The following NBAS variants were observed in gnomAD, a reference collection of about 807,000 sequenced individuals.
The protein encoded by NBAS is NAG/BC035112 fusion.
In NBAS, 219 loss-of-function variants were observed where a neutral mutation model predicts 302.5. That is an observed-to-expected ratio of 0.72 (90% CI 0.65 to 0.81). The LOEUF is 0.81. Ranked by LOEUF, NBAS falls within the 30% of genes least tolerant of loss-of-function variation. The pLI is 0.00. For synonymous variants in NBAS, 1,118 were observed against 1,021.6 expected, an observed-to-expected ratio of 1.09 and a Z score of -1.80; for missense variants, 2,932 against 2,841.6, an observed-to-expected ratio of 1.03 and a Z score of -0.72.
chr2:15,287,049 C>T lies in NBAS; in HGVS notation c.5138+24G>A, dbSNP rs4668892. 0.46 allele frequency: 698,879 copies of T among 1,517,234 alleles called. 170,016 individuals carry two copies. Among genetic ancestry groups the T allele is most frequent in the East Asian group, 0.79 (35,079 of 44,382 alleles). 94.0% of individuals were successfully genotyped at this position (1,517,234 alleles called of 1,614,324 possible). ...CTCTAAAGAAAGACATGGAAACAAACGTACATATGAACTGTGTGCTTACCC... is the reference window on the plus strand; with the variant it reads ...CTCTAAAGAAAGACATGGAAACAAATGTACATATGAACTGTGTGCTTACCC... On this transcript the variant is annotated intron_variant, in intron 42 of 51. Coordinates refer to ENST00000281513, the MANE Select transcript of NBAS (RefSeq NM_015909.4).
the NBAS span, among the ~76,000 whole-genome samples, chr2:14,837,570 T>G: frequency 6.6e-6 from 1 of 151,806 alleles, no homozygotes; most frequent in Admixed American, 6.6e-5. Context: ...GGAAAGCTTT[T>G]ATTTATGAAT....
chr2:15,269,840 T>G (rs2148038466), intron 44 of NBAS, among the ~76,000 whole-genome samples: 1 of 152,356 alleles, frequency 6.6e-6, no homozygotes, highest in South Asian at 2.1e-4. Context: ...CTGCAACTAG[T>G]CTTTAAGACT....
At chr2:14,932,592 C>G in the NBAS span, among the ~76,000 whole-genome samples, 37 of 152,268 alleles carry the variant, frequency 2.4e-4, no homozygotes, top group Middle Eastern at 3.4e-3. Context: ...ATGACTTGCC[C>G]AGGTTTGCTT....
the NBAS span, among the ~76,000 whole-genome samples, chr2:14,912,763 A>G: frequency 6.0e-5 from 9 of 151,208 alleles, no homozygotes; most frequent in African/African-American, 2.2e-4. Flanking sequence ...TAGAGGCCCT[A>G]CAGTTTTCAT....
In NBAS at chr2:15,498,754, T is replaced by G. The variant is rs575147136; in HGVS notation, c.954+5391A>C. 7.2e-4 allele frequency among the ~76,000 whole-genome samples: 109 copies of G among 151,940 alleles called. 3 individuals carry two copies. Among genetic ancestry groups the G allele is most frequent in the African/African-American group, 2.4e-3 (98 of 41,484 alleles). ...GGCACTTCCCCATTCGTGCTCGCTC[T>G]CTCTCTCTCTCTCTCTCCTGCTCCA... On this transcript the variant is annotated intron_variant, in intron 11 of 51. Coordinates refer to ENST00000281513, the MANE Select transcript of NBAS (RefSeq NM_015909.4).
the NBAS span, among the ~76,000 whole-genome samples, chr2:15,144,048 A>ATATATATATATATAT: frequency 1.2e-3 from 142 of 113,782 alleles, 6 homozygotes; most frequent in East Asian, 8.2e-3. Context: ...TATATATAAA[A>ATATATATATATATAT]ATATATATAT....
chr2:15,245,024 C>G (rs1284715031), intron 44 of NBAS, among the ~76,000 whole-genome samples: 2 of 152,062 alleles, frequency 1.3e-5, no homozygotes, highest in African/African-American at 4.8e-5. Flanking sequence ...GGGTACGGGC[C>G]CTGAGGGAGG....
chr2:14,865,809 GTTA>G, the NBAS span, among the ~76,000 whole-genome samples: 48 of 130,576 alleles, frequency 3.7e-4, no homozygotes, highest in South Asian at 6.7e-4. Flanking sequence ...ATCTGTTATT[GTTA>G]TTATTATTAT....
chr2:15,073,678 A>G, the NBAS span, among the ~76,000 whole-genome samples: 1 of 152,160 alleles, frequency 6.6e-6, no homozygotes, highest in African/African-American at 2.4e-5. Flanking sequence ...ATACACAGAA[A>G]TATACATACA....
the NBAS span, among the ~76,000 whole-genome samples, chr2:15,121,054 A>G: frequency 3.3e-4 from 51 of 152,264 alleles, no homozygotes; most frequent in African/African-American, 1.1e-3. Context: ...CTCAATATCG[A>G]ATTCATCTCC....
At chr2:15,288,211 G>T (rs756345174) in intron 41 of NBAS, among the ~76,000 whole-genome samples, 3 of 152,248 alleles carry the variant, frequency 2.0e-5, no homozygotes, top group Non-Finnish European at 4.4e-5. Flanking sequence ...CCTGTGCCAG[G>T]TATTGTGCTA....
rs267598927 is a variant in NBAS, at chr2:15,356,351, G to A, written c.3883C>T (p.His1295Tyr). 4 of 1,613,866 alleles carry A rather than the reference G, an allele frequency of 2.5e-6. No individual in the cohort carries two copies. The South Asian group carries it at 3.3e-5, about 13-fold the overall frequency. Residue 1295 changes from histidine (H) to tyrosine (Y), a missense_variant, in exon 33 of 52, where the codon CAT (histidine) becomes TAT (tyrosine). Transcript: ENST00000281513. The stretch of plus-strand genomic sequence containing the variant: ...TGCATACTGGCTGCTTTGTAGTCAT[G>A]GAAGCGAAGTGCCTGCTCCACTAAA... ...ILLVEQALRF[H>Y]DYKAASMHCQ...
the NBAS span, among the ~76,000 whole-genome samples, chr2:14,904,555 G>A: frequency 6.7e-6 from 1 of 150,002 alleles, no homozygotes; most frequent in African/African-American, 2.5e-5. Context: ...CAGTATGATA[G>A]GCTGTGTCAC....
the NBAS span, among the ~76,000 whole-genome samples, chr2:15,004,893 GTTTATAT>G: frequency 3.9e-5 from 6 of 152,052 alleles, no homozygotes; most frequent in African/African-American, 1.4e-4. Context: ...CTATGGTGAA[GTTTATAT>G]TTTCAATAGT....
rs1362426805 is a variant in NBAS at position 15,230,527 on chromosome 2, AAC to A, written c.6236+1893_6236+1894del. ...CTAATGTCTTCTTCAAACCTTAAAA[AAC>A]AGTCTGTATTAGAGTAAGTCTCAAA... On this transcript the variant is annotated intron_variant, in intron 47 of 51. Coordinates refer to ENST00000281513, the MANE Select transcript of NBAS (RefSeq NM_015909.4). Among the ~76,000 whole-genome samples the A allele has an allele frequency of 2.6e-5, 4 of 152,086 alleles. No individual in the cohort carries two copies. The East Asian group carries it at 5.8e-4, about 22-fold the overall frequency.
the NBAS span, among the ~76,000 whole-genome samples, chr2:15,104,750 G>C: frequency 6.6e-6 from 1 of 152,102 alleles, no homozygotes; most frequent in South Asian, 2.1e-4. Flanking sequence ...ATTGTAACTG[G>C]TGTGAGATGG....
At chr2:15,278,681 C>G (rs1669697197) in intron 42 of NBAS, among the ~76,000 whole-genome samples, 1 of 152,130 alleles carries the variant, frequency 6.6e-6, no homozygotes, top group African/African-American at 2.4e-5. Flanking sequence ...AGCTCCCATC[C>G]AAATTTGAAA....
intron 32 of NBAS, among the ~76,000 whole-genome samples, chr2:15,359,568 TTAAAATATTTTACA>T (rs1234162251): frequency 6.6e-6 from 1 of 152,130 alleles, no homozygotes; most frequent in Non-Finnish European, 1.5e-5. Context: ...AAAATATTTC[TTAAAATATTTTACA>T]TAAAATATTT....
chr2:14,989,151 G>A, the NBAS span, among the ~76,000 whole-genome samples: 3 of 152,122 alleles, frequency 2.0e-5, no homozygotes, highest in African/African-American at 7.2e-5. Context: ...GATCATAGGT[G>A]TAACATGACT....
Sources: allele counts gnomAD v4.1 joint callset (sites outside exome capture counted in the v4.1 genomes callset), GRCh38; gene constraint gnomAD v4.1.1; transcripts MANE v1.5; gene names NCBI Gene and HGNC (gene_info 2026-07-23, HGNC 2026-07-21).